B3GALT1: variants seen among roughly 807,000 people sequenced by gnomAD.
The protein encoded by B3GALT1 is beta-1,3-galactosyltransferase 1.
B3GALT1 carries 10 observed loss-of-function variants against 23.2 expected under a neutral mutation model. The observed-to-expected ratio is 0.43, with a 90% CI of 0.27 to 0.73. The LOEUF (loss-of-function observed/expected upper bound fraction) is 0.73, where lower values mean the gene tolerates loss of function less well. Ranked by LOEUF, B3GALT1 falls within the 30% of genes least tolerant of loss-of-function variation. B3GALT1 has a pLI of 0.21. For missense variants in B3GALT1, 299 were observed against 405.4 expected (o/e 0.74, Z 2.25); for synonymous variants, 156 against 141.5 (o/e 1.10, Z -0.73).
At position 167,341,225 on chromosome 2, in the gene B3GALT1, A is replaced by T. The variant is rs115492606; in HGVS notation, c.-511+47891A>T. On this transcript the variant is annotated intron_variant, in intron 1 of 4. Transcript: ENST00000392690. ...CAATTCAACAAGGGAAAAGCACATG[A>T]TCTTTTTGGTTGAGTACTTTATTCC... 5.5e-3 allele frequency among the ~76,000 whole-genome samples: 832 copies of T among 152,226 alleles called. 8 individuals are homozygous for T. Among genetic ancestry groups the T allele is most frequent in the African/African-American group, 0.019 (806 of 41,570 alleles).
chr2:167,801,455 C>T (rs951985280), intron 3 of B3GALT1, among the ~76,000 whole-genome samples: 3 of 152,164 alleles, frequency 2.0e-5, no homozygotes, highest in Admixed American at 1.3e-4. Flanking sequence ...ATTCACTTCA[C>T]GTCAAAGACC....
chr2:167,640,890 C>T (rs771739219), intron 2 of B3GALT1, among the ~76,000 whole-genome samples: 48 of 152,042 alleles, frequency 3.2e-4, no homozygotes, highest in Non-Finnish European at 5.3e-4. Context: ...AATGAACATT[C>T]GGATAAATTG....
At chr2:167,630,998 C>T (rs1308249187) in intron 2 of B3GALT1, among the ~76,000 whole-genome samples, 1 of 127,858 alleles carries the variant, frequency 7.8e-6, no homozygotes. Flanking sequence ...AGAAGAGGAA[C>T]TAGGATTGGG....
rs1253045310 is a variant in B3GALT1, at chr2:167,486,079, A to G, written c.-510-4098A>G. 2.0e-5 allele frequency among the ~76,000 whole-genome samples: 3 copies of G among 152,206 alleles called. No individual in the cohort carries two copies. In the East Asian group the frequency reaches 5.8e-4, roughly 29 times the overall value. The stretch of plus-strand genomic sequence containing the variant: ...AGTGCAAATATTTATGAGATTCTTC[A>G]GGCTGGACGTGGTGGCTCACACCTG... On this transcript the variant is annotated intron_variant, in intron 1 of 4. Coordinates refer to ENST00000392690, the MANE Select transcript of B3GALT1 (RefSeq NM_020981.4).
At chr2:167,462,141 T>C (rs957348554) in intron 1 of B3GALT1, among the ~76,000 whole-genome samples, 2 of 152,168 alleles carry the variant, frequency 1.3e-5, no homozygotes, top group East Asian at 1.9e-4. Context: ...CAAGAGCATA[T>C]AGTAAAATGT....
intron 2 of B3GALT1, among the ~76,000 whole-genome samples, chr2:167,610,979 G>A (rs780915063): frequency 2.0e-5 from 3 of 151,036 alleles, no homozygotes; most frequent in Non-Finnish European, 4.4e-5. Context: ...ACAAAGAGGG[G>A]AACAGCAGAC....
At chr2:167,359,177 A>C (rs2105261503) in intron 1 of B3GALT1, among the ~76,000 whole-genome samples, 1 of 152,326 alleles carries the variant, frequency 6.6e-6, no homozygotes, top group East Asian at 1.9e-4. Flanking sequence ...CCTGTTAAAA[A>C]TATCCTTGTA....
chr2:167,611,070 C>G (rs1006076397), intron 2 of B3GALT1, among the ~76,000 whole-genome samples: 2 of 151,702 alleles, frequency 1.3e-5, no homozygotes, highest in African/African-American at 4.8e-5. Flanking sequence ...GACAAATAAT[C>G]TCTACACCAA....
chr2:167,580,868 G>A (rs1269192510), intron 2 of B3GALT1, among the ~76,000 whole-genome samples: 1 of 152,068 alleles, frequency 6.6e-6, no homozygotes, highest in African/African-American at 2.4e-5. Flanking sequence ...GAGGGAGGAG[G>A]CTTCAAGGGC....
intron 1 of B3GALT1, among the ~76,000 whole-genome samples, chr2:167,446,433 C>A (rs566788653): frequency 5.3e-5 from 8 of 152,314 alleles, no homozygotes; most frequent in African/African-American, 1.7e-4. Flanking sequence ...TGGGGAAGTT[C>A]TCCTGGATAA....
intron 1 of B3GALT1, among the ~76,000 whole-genome samples, chr2:167,301,576 A>T (rs1273394578): frequency 6.6e-6 from 1 of 152,102 alleles, no homozygotes; most frequent in Non-Finnish European, 1.5e-5. Context: ...ATTGAGATGG[A>T]GTCTTGTTCT....
intron 1 of B3GALT1, among the ~76,000 whole-genome samples, chr2:167,416,400 C>T (rs1457128683): frequency 6.6e-6 from 1 of 152,232 alleles, no homozygotes. Context: ...ATTCTGTAGG[C>T]TTGCAGAAAG....
At chr2:167,413,096 CT>C (rs1361798577) in intron 1 of B3GALT1, among the ~76,000 whole-genome samples, 2 of 151,942 alleles carry the variant, frequency 1.3e-5, no homozygotes, top group Non-Finnish European at 2.9e-5. Context: ...GTTTGGATGA[CT>C]GGTTACAATA....
At chr2:167,352,912 A>G (rs1697340003) in intron 1 of B3GALT1, among the ~76,000 whole-genome samples, 1 of 152,202 alleles carries the variant, frequency 6.6e-6, no homozygotes, top group Admixed American at 6.5e-5. Context: ...GAATCTTAGG[A>G]TAATGATAAT....
intron 3 of B3GALT1, among the ~76,000 whole-genome samples, chr2:167,772,726 T>C (rs1688093070): frequency 6.6e-6 from 1 of 152,214 alleles, no homozygotes; most frequent in South Asian, 2.1e-4. Flanking sequence ...TCTTTATTAA[T>C]CTTCTAAACA....
intron 3 of B3GALT1, among the ~76,000 whole-genome samples, chr2:167,743,254 GAGA>G (rs1406615991): frequency 6.6e-6 from 1 of 151,988 alleles, no homozygotes; most frequent in Non-Finnish European, 1.5e-5. Context: ...ATGTACCTAG[GAGA>G]AGAATTGCTG....
chr2:167,455,613 A>G (rs1397965668), intron 1 of B3GALT1, among the ~76,000 whole-genome samples: 2 of 152,108 alleles, frequency 1.3e-5, no homozygotes, highest in East Asian at 3.9e-4. Flanking sequence ...TCCAGGTTCA[A>G]GAGATTCTCC....
In B3GALT1 at chr2:167,487,285, T is replaced by C. The variant is rs182135496; in HGVS notation, c.-510-2892T>C. Among the ~76,000 whole-genome samples the C allele has an allele frequency of 5.3e-5, 8 of 152,338 alleles. No homozygotes were observed. The East Asian group carries it at 1.5e-3, about 29-fold the overall frequency. On this transcript the variant is annotated intron_variant, in intron 1 of 4. Coordinates refer to ENST00000392690, the MANE Select transcript of B3GALT1 (RefSeq NM_020981.4). ...ATTGTCTGGTCAGAGACTGGGAAGG[T>C]AATGTTGTGCGTGTTTTGCTGATTA...
At chr2:167,820,007 A>G (rs111259077) in intron 4 of B3GALT1, among the ~76,000 whole-genome samples, 2,644 of 152,306 alleles carry the variant, frequency 0.017, 78 homozygotes, top group African/African-American at 0.06. Flanking sequence ...GCGTCAGCAC[A>G]CAGCCTAAAC....
Sources: gnomAD v4.1 joint callset for allele counts (sites outside exome capture counted in the v4.1 genomes callset) on GRCh38, gnomAD v4.1.1 for gene constraint, MANE v1.5 for transcripts, NCBI Gene and HGNC (gene_info 2026-07-23, HGNC 2026-07-21) for gene names.